Variants in ANO2 observed in about 807,000 individuals in gnomAD.
ANO2 encodes the protein anoctamin-2.
In ANO2, 101 loss-of-function variants were observed where a neutral mutation model predicts 124.2. That is an observed-to-expected ratio of 0.81 (90% CI 0.69 to 0.96). The LOEUF (loss-of-function observed/expected upper bound fraction) is 0.96. Ranked by LOEUF, ANO2 falls within the 40% of genes least tolerant of loss-of-function variation. ANO2 has a pLI of 0.00. For missense variants in ANO2, 1,293 were observed against 1,274.5 expected, an observed-to-expected ratio of 1.01 and a Z score of -0.22; for synonymous variants, 486 against 482.5, an observed-to-expected ratio of 1.01 and a Z score of -0.09.
chr12:5,672,580 C>CGT (rs747792294), intron 14 of ANO2, among the ~76,000 whole-genome samples: 10,329 of 147,892 alleles, frequency 0.07, 358 homozygotes, highest in South Asian at 0.12. Flanking sequence ...GCAGTCAGCT[C>CGT]GTGTGTGTGT....
chr12:5,637,545 CA>C (rs34238747), intron 15 of ANO2, among the ~76,000 whole-genome samples: 102,613 of 151,844 alleles, frequency 0.68, 34,849 homozygotes, highest in East Asian at 0.81. Context: ...CTTTGCTACT[CA>C]AAAATGTGGT....
chr12:5,603,703 T>C (rs1478442586), intron 19 of ANO2, among the ~76,000 whole-genome samples: 1 of 151,986 alleles, frequency 6.6e-6, no homozygotes, highest in Non-Finnish European at 1.5e-5. Flanking sequence ...TCCAGCACTT[T>C]GGGAAGCCGA....
At chr12:5,937,010 T>C (rs1196109851) in intron 1 of ANO2, among the ~76,000 whole-genome samples, 1 of 152,230 alleles carries the variant, frequency 6.6e-6, no homozygotes, top group Non-Finnish European at 1.5e-5. Flanking sequence ...GTGAATAATG[T>C]TTCAATGAAC....
intron 3 of ANO2, among the ~76,000 whole-genome samples, chr12:5,905,163 G>C (rs61908389): frequency 0.017 from 2,571 of 152,238 alleles, 26 homozygotes; most frequent in Non-Finnish European, 0.026. Context: ...GGGGGATAAC[G>C]CTGAAAGAAT....
chr12:5,605,198 T>G (rs770001713), intron 19 of ANO2, among the ~76,000 whole-genome samples: 3 of 152,218 alleles, frequency 2.0e-5, no homozygotes, highest in African/African-American at 7.2e-5. Context: ...TGTATTCCTA[T>G]TCCTTTTCCT....
At chr12:5,585,124 G>A (rs1715623812) in intron 20 of ANO2, among the ~76,000 whole-genome samples, 1 of 151,940 alleles carries the variant, frequency 6.6e-6, no homozygotes, top group Non-Finnish European at 1.5e-5. Context: ...CAGACCCATG[G>A]AGGCTTTGCA....
At position 5,827,857 on chromosome 12, in the gene ANO2, T is replaced by C. The variant is rs187957025; in HGVS notation, c.841-37A>G. The C allele has an allele frequency of 8.7e-5, 139 of 1,591,194 alleles. No homozygotes were observed. In the East Asian group the frequency reaches 2.4e-3, roughly 28 times the overall value. On this transcript the variant is annotated intron_variant, in intron 6 of 24. Coordinates refer to ENST00000682330, the MANE Select transcript of ANO2 (RefSeq NM_001364791.2). ...CGACAGCAGAGCTGTGAGCTCCTAG[T>C]TCCCCCCCGCCCTCCACCGTGTGTC...
At chr12:5,653,931 A>G (rs192704115) in intron 14 of ANO2, among the ~76,000 whole-genome samples, 95 of 152,344 alleles carry the variant, frequency 6.2e-4, no homozygotes, top group Non-Finnish European at 1.1e-3. Flanking sequence ...AAAAGCATGG[A>G]GATACCATAA....
intron 10 of ANO2, among the ~76,000 whole-genome samples, chr12:5,789,007 G>T (rs1311773226): frequency 6.6e-6 from 1 of 152,230 alleles, no homozygotes; most frequent in Non-Finnish European, 1.5e-5. Context: ...CCGGCTGTCA[G>T]AGCATCCGAG....
In ANO2 at chr12:5,728,510, T is replaced by A. The variant is rs377495398; in HGVS notation, c.1545+4010A>T. On this transcript the variant is annotated intron_variant, in intron 14 of 24. Transcript: ENST00000682330. ...TGAAAAAATAAAAGGTCTACGTAAA[T>A]AGAAAGATATACCACATTCATAGAA... Among the ~76,000 whole-genome samples, 8 of 152,080 alleles carry A rather than the reference T, an allele frequency of 5.3e-5. No homozygotes were observed. In the East Asian group the frequency reaches 1.3e-3, roughly 26 times the overall value.
At chr12:5,598,089 C>T (rs1174789420) in intron 20 of ANO2, among the ~76,000 whole-genome samples, 1 of 152,164 alleles carries the variant, frequency 6.6e-6, no homozygotes, top group Non-Finnish European at 1.5e-5. Flanking sequence ...CCCATTACTC[C>T]ACTGCTAACA....
At chr12:5,781,864 A>C (rs1172609770) in intron 10 of ANO2, among the ~76,000 whole-genome samples, 1 of 152,230 alleles carries the variant, frequency 6.6e-6, no homozygotes, top group Admixed American at 6.5e-5. Context: ...CTTGTTTTAT[A>C]GGCTAGAATA....
rs145298563 is a variant in ANO2 at position 5,569,771 on chromosome 12, C to T, written c.2622-4108G>A. Among the ~76,000 whole-genome samples, 957 of 152,232 alleles carry T rather than the reference C, an allele frequency of 6.3e-3. 3 individuals are homozygous for T. Among genetic ancestry groups the T allele is most frequent in the Non-Finnish European group, 0.011 (722 of 68,020 alleles). ...ATACCTTGCATTTTAAAGAAAGACA[C>T]TGTGAGAATTAAATAAGACAATCTA... On this transcript the variant is annotated intron_variant, in intron 23 of 24. Transcript: ENST00000682330.
intron 10 of ANO2, among the ~76,000 whole-genome samples, chr12:5,756,496 T>G (rs1348747063): frequency 6.6e-6 from 1 of 152,232 alleles, no homozygotes; most frequent in Non-Finnish European, 1.5e-5. Flanking sequence ...ACTGACTGCT[T>G]TCAGCAGGCA....
chr12:5,945,966 T>G (rs6489682), upstream of ANO2, among the ~76,000 whole-genome samples: 122,355 of 152,146 alleles, frequency 0.8, 49,463 homozygotes, highest in East Asian at 0.97. Flanking sequence ...AGGAGTGCCA[T>G]CTCCCCGGGA....
At chr12:5,738,833 A>G (rs183092132) in intron 13 of ANO2, among the ~76,000 whole-genome samples, 81 of 151,988 alleles carry the variant, frequency 5.3e-4, no homozygotes, top group Non-Finnish European at 1.1e-3. Flanking sequence ...CGCCTCCCCA[A>G]CTCCTCAGTT....
At chr12:5,839,697 G>C in intron 4 of ANO2, 1 of 452,224 alleles carries the variant, frequency 2.2e-6, no homozygotes, top group South Asian at 1.6e-5. Flanking sequence ...GGAATGTTTT[G>C]CAGTGTACCC....
intron 17 of ANO2, among the ~76,000 whole-genome samples, 152 bp from the exon 18 acceptor site, chr12:5,613,110 A>G (rs890226481): frequency 5.3e-5 from 8 of 152,120 alleles, no homozygotes; most frequent in African/African-American, 1.9e-4. Context: ...AGGAGTGCAC[A>G]CTGTTATCAG....
At chr12:5,745,800 T>C (rs1951249222) in intron 11 of ANO2, among the ~76,000 whole-genome samples, 1 of 152,146 alleles carries the variant, frequency 6.6e-6, no homozygotes, top group African/African-American at 2.4e-5. Flanking sequence ...ACGTCGAAAA[T>C]ATTAAATAGT....
Sources: allele counts gnomAD v4.1 joint callset (sites outside exome capture counted in the v4.1 genomes callset), GRCh38; gene constraint gnomAD v4.1.1; transcripts MANE v1.5; gene names NCBI Gene and HGNC (gene_info 2026-07-23, HGNC 2026-07-21).